CTNNA3: variants seen among roughly 807,000 people sequenced by gnomAD.
The protein encoded by CTNNA3 is catenin alpha-3.
Under a neutral mutation model 95.7 loss-of-function variants are expected in CTNNA3, and 76 were observed. The observed-to-expected ratio is 0.79, with a 90% confidence interval of 0.66 to 0.96. The LOEUF is 0.96. Ranked by LOEUF, CTNNA3 falls within the 40% of genes least tolerant of loss-of-function variation. The probability of loss-of-function intolerance (pLI) is 0.00; values close to 1 mark genes in which losing one functional copy is unlikely to be tolerated. For missense variants in CTNNA3, 1,191 were observed against 1,089.8 expected, an observed-to-expected ratio of 1.09 and a Z score of -1.31; for synonymous variants, 431 against 374.4, an observed-to-expected ratio of 1.15 and a Z score of -1.74.
At chr10:67,491,403 A>G (rs1438652630) in intron 5 of CTNNA3, among the ~76,000 whole-genome samples, 3 of 152,234 alleles carry the variant, frequency 2.0e-5, no homozygotes, top group Non-Finnish European at 4.4e-5. Flanking sequence ...ATACAGTATG[A>G]CAAGTGATGG....
chr10:66,635,211 A>G (rs576752146), intron 9 of CTNNA3, among the ~76,000 whole-genome samples: 1 of 152,220 alleles, frequency 6.6e-6, no homozygotes, highest in South Asian at 2.1e-4. Context: ...AATAAACAGT[A>G]CCAAATAAAA....
At chr10:67,516,131 T>A (rs1259877175) in intron 5 of CTNNA3, among the ~76,000 whole-genome samples, 5 of 152,058 alleles carry the variant, frequency 3.3e-5, no homozygotes, top group African/African-American at 1.2e-4. Flanking sequence ...CCCGGCTAAT[T>A]TTTTGTATTT....
intron 7 of CTNNA3, among the ~76,000 whole-genome samples, chr10:67,023,446 G>A (rs1308787631): frequency 1.3e-5 from 2 of 152,054 alleles, no homozygotes; most frequent in African/African-American, 4.8e-5. Flanking sequence ...GCTTATCCAT[G>A]GATCTTCTAT....
At chr10:66,418,402 A>G (rs1679850129) in intron 11 of CTNNA3, among the ~76,000 whole-genome samples, 3 of 124,868 alleles carry the variant, frequency 2.4e-5, no homozygotes, top group African/African-American at 7.5e-5. Context: ...AGAAAAGCCC[A>G]GGTCTGGACT....
intron 14 of CTNNA3, among the ~76,000 whole-genome samples, chr10:66,075,017 GC>G (rs2080522306): frequency 1.3e-5 from 2 of 151,696 alleles, no homozygotes; most frequent in African/African-American, 4.8e-5. Context: ...TTACACAAAT[GC>G]CAAGCTTTTG....
chr10:67,342,786 T>C (rs1156350222), intron 5 of CTNNA3, among the ~76,000 whole-genome samples: 1 of 152,228 alleles, frequency 6.6e-6, no homozygotes, highest in East Asian at 1.9e-4. Flanking sequence ...TTTATTCTGT[T>C]CCATTGGCCT....
chr10:66,783,085 A>G (rs1840604495), intron 7 of CTNNA3, among the ~76,000 whole-genome samples: 1 of 152,120 alleles, frequency 6.6e-6, no homozygotes, highest in African/African-American at 2.4e-5. Flanking sequence ...TATCTAGTCT[A>G]GTAAATAACT....
Position 66,947,407 on chromosome 10 carries a change from A to AT in CTNNA3, c.1048-171884dup, listed in dbSNP as rs1454443829. ...TTACCATTTCACTATATCACAAGGT[A>AT]TTTTCTTTATGAGGGTCCATGGGGA... On this transcript the variant is annotated intron_variant, in intron 7 of 17. Coordinates refer to ENST00000433211, the MANE Select transcript of CTNNA3 (RefSeq NM_013266.4). Among the ~76,000 whole-genome samples, 20 of 152,024 alleles carry AT rather than the reference A, an allele frequency of 1.3e-4. 1 individual carries two copies. The highest frequency in any genetic ancestry group is 3.6e-4 in the African/African-American group (15 of 41,396).
intron 13 of CTNNA3, among the ~76,000 whole-genome samples, chr10:66,153,305 C>A (rs2084302188): frequency 6.6e-6 from 1 of 151,844 alleles, no homozygotes; most frequent in African/African-American, 2.4e-5. Context: ...CAGGGTTGGA[C>A]TCTGTTAATC....
At chr10:66,838,868 T>C (rs1842961052) in intron 7 of CTNNA3, among the ~76,000 whole-genome samples, 1 of 152,190 alleles carries the variant, frequency 6.6e-6, no homozygotes, top group Non-Finnish European at 1.5e-5. Context: ...CTCAGACTAA[T>C]CACTGAACTA....
intron 14 of CTNNA3, among the ~76,000 whole-genome samples, chr10:66,075,045 A>G (rs1300434236): frequency 6.6e-6 from 1 of 151,820 alleles, no homozygotes; most frequent in Non-Finnish European, 1.5e-5. Context: ...CACAGATCTT[A>G]GATTCATTTC....
At chr10:66,193,477 T>C (rs980948826) in intron 13 of CTNNA3, among the ~76,000 whole-genome samples, 2 of 152,122 alleles carry the variant, frequency 1.3e-5, no homozygotes, top group African/African-American at 2.4e-5. Context: ...ATAGTGAAAG[T>C]TGAAATGACA....
At chr10:67,557,842 C>G (rs1841314082) in intron 3 of CTNNA3, among the ~76,000 whole-genome samples, 1 of 152,158 alleles carries the variant, frequency 6.6e-6, no homozygotes, top group Non-Finnish European at 1.5e-5. Flanking sequence ...ACTACTACCA[C>G]CACTCATTAC....
intron 15 of CTNNA3, among the ~76,000 whole-genome samples, chr10:65,999,826 C>G (rs191941082): frequency 3.2e-4 from 48 of 151,676 alleles, no homozygotes; most frequent in African/African-American, 1.1e-3. Flanking sequence ...TGCATTGGAT[C>G]CTACAGAAAA....
chr10:66,844,963 G>A (rs1370437423), intron 7 of CTNNA3, among the ~76,000 whole-genome samples: 1 of 152,154 alleles, frequency 6.6e-6, no homozygotes. Context: ...GGGGTGGAAT[G>A]AGAACAAGTA....
At chr10:67,654,320 C>T (rs1839960024) in intron 1 of CTNNA3, among the ~76,000 whole-genome samples, 1 of 152,168 alleles carries the variant, frequency 6.6e-6, no homozygotes, top group South Asian at 2.1e-4. Flanking sequence ...GGTGTGCAGG[C>T]CTCCGTCTGT....
chr10:66,488,258 T>G (rs2131925691), intron 11 of CTNNA3, among the ~76,000 whole-genome samples: 1 of 152,326 alleles, frequency 6.6e-6, no homozygotes, highest in East Asian at 1.9e-4. Flanking sequence ...ATGATTTCAT[T>G]ACCTTTATAG....
chr10:67,475,822 CAGA>C (rs1403316968), intron 5 of CTNNA3, among the ~76,000 whole-genome samples: 1 of 152,040 alleles, frequency 6.6e-6, no homozygotes. Flanking sequence ...TTTCAAAGAT[CAGA>C]AGAAGTTTGG....
chr10:66,277,311 A>G (rs577665044), intron 13 of CTNNA3, among the ~76,000 whole-genome samples: 5 of 152,256 alleles, frequency 3.3e-5, no homozygotes, highest in African/African-American at 9.6e-5. Flanking sequence ...ATTTAGACAT[A>G]AAATGGGATT....
Sources: gnomAD v4.1 joint callset for allele counts (sites outside exome capture counted in the v4.1 genomes callset) on GRCh38, gnomAD v4.1.1 for gene constraint, MANE v1.5 for transcripts, NCBI Gene and HGNC (gene_info 2026-07-23, HGNC 2026-07-21) for gene names.